Variants in AKR1C3 observed in about 807,000 individuals in gnomAD.
AKR1C3 encodes the protein aldo-keto reductase family 1 member C3.
In AKR1C3, 48 loss-of-function variants were observed where a neutral mutation model predicts 43.6. The observed-to-expected ratio is 1.10, with a 90% CI of 0.87 to 1.40. The LOEUF is 1.40. AKR1C3 is among the 40% of genes most tolerant of loss of function. The pLI is 0.00. For synonymous variants in AKR1C3, 162 were observed against 139.6 expected, an observed-to-expected ratio of 1.16 and a Z score of -1.13; for missense variants, 482 against 391.2, an observed-to-expected ratio of 1.23 and a Z score of -1.96.
intron 1 of AKR1C3, among the ~76,000 whole-genome samples, chr10:5,082,837 A>AT (rs202158161): frequency 0.018 from 2,774 of 152,186 alleles, 82 homozygotes; most frequent in African/African-American, 0.063. Context: ...ATGTCTCCAC[A>AT]TTTTTTTAAA....
intron 1 of AKR1C3, among the ~76,000 whole-genome samples, chr10:5,051,130 T>C (rs1386090173): frequency 3.3e-5 from 5 of 152,194 alleles, no homozygotes; most frequent in African/African-American, 1.2e-4. Flanking sequence ...AGTTTCACTC[T>C]TGTTGCCCAG....
Position 5,102,649 on chromosome 10 carries a change from A to C in AKR1C3, c.845A>C (p.Gln282Pro), listed in dbSNP as rs1476551152. The stretch of plus-strand genomic sequence containing the variant: ...GAGCAGCGCATCAGACAGAACGTGC[A>C]GGTGAGGAGCGGGGCTGTGGGCCTC... Reference protein sequence around the residue: ...YNEQRIRQNVQVFEFQLTAED... With the variant: ...YNEQRIRQNVPVFEFQLTAED... Residue 282 changes from glutamine (Q) to proline (P), a missense_variant and splice_region_variant, in exon 7 of 9, where the codon CAG (glutamine) becomes CCG (proline). Physicochemically the swap from Gln to Pro is moderately conservative, Grantham distance 76 (BLOSUM62 -1). Transcript: ENST00000380554. The C allele has an allele frequency of 6.8e-6, 10 of 1,462,556 alleles. No individual in the cohort carries two copies. The Admixed American group carries it at 1.3e-4, about 20-fold the overall frequency. The allele number at this position is 1,462,556 out of a possible 1,614,324, so 90.6% of individuals were successfully genotyped here. A position where few individuals can be genotyped will look rare whatever the true frequency, so the allele number is the denominator to read the frequency against.
intron 1 of AKR1C3, among the ~76,000 whole-genome samples, chr10:5,059,776 G>T (rs1405795983): frequency 6.6e-6 from 1 of 152,112 alleles, no homozygotes; most frequent in African/African-American, 2.4e-5. Flanking sequence ...GATAGCTGAT[G>T]GTCTCACCCC....
intron 1 of AKR1C3, among the ~76,000 whole-genome samples, chr10:5,086,788 A>G (rs1174304460): frequency 2.6e-5 from 4 of 152,212 alleles, no homozygotes; most frequent in Non-Finnish European, 5.9e-5. Context: ...TATTTAGGAT[A>G]GTTAGCTCTT....
At chr10:5,104,137 A>G (rs1839433933) in intron 7 of AKR1C3, among the ~76,000 whole-genome samples, 1 of 152,132 alleles carries the variant, frequency 6.6e-6, no homozygotes, top group African/African-American at 2.4e-5. Flanking sequence ...TAAATTATTC[A>G]TGCCTCTTTC....
upstream of AKR1C3, chr10:5,093,607 G>A (rs1554784659): frequency 6.6e-6 from 1 of 152,044 alleles, no homozygotes; most frequent in Admixed American, 6.6e-5. Flanking sequence ...TTAACAAGAT[G>A]ACAGATTATA....
intron 1 of AKR1C3, among the ~76,000 whole-genome samples, chr10:5,084,583 CT>C (rs1838919796): frequency 6.6e-6 from 1 of 152,082 alleles, no homozygotes; most frequent in African/African-American, 2.4e-5. Context: ...TCCATATGAA[CT>C]TTAAAGTAGT....
upstream of AKR1C3, among the ~76,000 whole-genome samples, chr10:5,092,913 C>T (rs34835891): frequency 1.3e-4 from 19 of 151,926 alleles, no homozygotes; most frequent in Non-Finnish European, 2.5e-4. Flanking sequence ...ATTTTTCTAA[C>T]TCTATATAGA....
intron 1 of AKR1C3, among the ~76,000 whole-genome samples, chr10:5,067,979 G>T (rs1442637998): frequency 1.3e-5 from 2 of 152,110 alleles, no homozygotes; most frequent in Admixed American, 6.5e-5. Flanking sequence ...TAGCTGATGA[G>T]TTACCATGGG....
At chr10:5,055,075 C>A (rs1010113534) in intron 1 of AKR1C3, among the ~76,000 whole-genome samples, 2 of 152,198 alleles carry the variant, frequency 1.3e-5, no homozygotes, top group Non-Finnish European at 2.9e-5. Context: ...TTTCCCTTTC[C>A]CAGTTCTAGG....
chr10:5,106,615 G>A (rs975208538), intron 8 of AKR1C3, among the ~76,000 whole-genome samples: 3 of 152,126 alleles, frequency 2.0e-5, no homozygotes, highest in Non-Finnish European at 4.4e-5. Context: ...GCCAGGCATG[G>A]TGACACTTAC....
intron 1 of AKR1C3, among the ~76,000 whole-genome samples, chr10:5,058,659 C>G (rs1263107275): frequency 1.4e-4 from 22 of 152,222 alleles, no homozygotes; most frequent in Non-Finnish European, 1.0e-4. Context: ...GCCCAAGAAC[C>G]TGCAATGGTC....
chr10:5,075,182 G>C (rs1554781686), intron 1 of AKR1C3, among the ~76,000 whole-genome samples: 2 of 150,658 alleles, frequency 1.3e-5, no homozygotes, highest in South Asian at 2.2e-4. Context: ...GTTTTGCCAA[G>C]ATTTAAGTCC....
At chr10:5,058,018 T>C (rs1443034029) in intron 1 of AKR1C3, among the ~76,000 whole-genome samples, 9 of 152,182 alleles carry the variant, frequency 5.9e-5, no homozygotes, top group African/African-American at 2.2e-4. Flanking sequence ...AGGGGACATG[T>C]ACCCGGGTTG....
intron 8 of AKR1C3, among the ~76,000 whole-genome samples, chr10:5,106,816 G>GAGAT (rs780718998): frequency 6.6e-6 from 1 of 151,920 alleles, no homozygotes; most frequent in Non-Finnish European, 1.5e-5. Flanking sequence ...GTGATAGGGT[G>GAGAT]AGATAGTGTG....
At chr10:5,106,939 AGAAAG>A (rs1231107870) in intron 8 of AKR1C3, among the ~76,000 whole-genome samples, 4 of 152,204 alleles carry the variant, frequency 2.6e-5, no homozygotes, top group African/African-American at 9.6e-5. Flanking sequence ...ACCATGTAAA[AGAAAG>A]GAAGAGTAGC....
At chr10:5,053,670 C>T (rs539330900) in intron 1 of AKR1C3, among the ~76,000 whole-genome samples, 5 of 152,332 alleles carry the variant, frequency 3.3e-5, no homozygotes, top group African/African-American at 1.2e-4. Flanking sequence ...CTCAATCCCC[C>T]CTCTAAACAG....
chr10:5,061,025 C>T (rs1386430406), intron 1 of AKR1C3, among the ~76,000 whole-genome samples: 1 of 152,224 alleles, frequency 6.6e-6, no homozygotes, highest in Non-Finnish European at 1.5e-5. Context: ...GTGCCTCTCC[C>T]TCCACACCTC....
At chr10:5,072,582 G>A (rs571313763) in intron 1 of AKR1C3, among the ~76,000 whole-genome samples, 11 of 152,228 alleles carry the variant, frequency 7.2e-5, no homozygotes, top group Non-Finnish European at 1.3e-4. Context: ...ACAACTCTTT[G>A]GAAATGAAAA....
Sources: allele counts gnomAD v4.1 joint callset (sites outside exome capture counted in the v4.1 genomes callset), GRCh38; gene constraint gnomAD v4.1.1; transcripts MANE v1.5; gene names NCBI Gene and HGNC (gene_info 2026-07-23, HGNC 2026-07-21).